Variants in FOXN1 observed in about 807,000 individuals in gnomAD.
FOXN1 encodes forkhead box N1.
FOXN1 carries 15 observed loss-of-function variants against 49.0 expected under a neutral mutation model. The observed-to-expected ratio is 0.31, with a 90% CI of 0.20 to 0.47. The LOEUF (loss-of-function observed/expected upper bound fraction) is 0.47. Among genes scored for constraint, FOXN1 ranks in the 20% least tolerant of loss-of-function variants. The pLI is 1.00. For missense variants in FOXN1, 800 were observed against 842.8 expected, an observed-to-expected ratio of 0.95 and a Z score of 0.63; for synonymous variants, 356 against 369.0, an observed-to-expected ratio of 0.96 and a Z score of 0.40.
intron 3 of FOXN1, among the ~76,000 whole-genome samples, chr17:28,526,621 C>T (rs2069775853): frequency 1.3e-5 from 2 of 152,204 alleles, no homozygotes; most frequent in Non-Finnish European, 1.5e-5. Context: ...CTCACGCAGG[C>T]CAGCAACTGT....
chr17:28,520,545 A>G (rs1286847018), intron 1 of FOXN1, among the ~76,000 whole-genome samples: 2 of 152,074 alleles, frequency 1.3e-5, no homozygotes, highest in Non-Finnish European at 1.5e-5. Flanking sequence ...GGGCCTCTGA[A>G]CTCTGCATAA....
intron 1 of FOXN1, among the ~76,000 whole-genome samples, chr17:28,507,814 G>T (rs2069295936): frequency 6.6e-6 from 1 of 152,202 alleles, no homozygotes; most frequent in Non-Finnish European, 1.5e-5. Flanking sequence ...AGGGCACCCC[G>T]AGTGGATGGG....
At chr17:28,507,058 T>C (rs1555606235) in intron 1 of FOXN1, among the ~76,000 whole-genome samples, 2 of 152,184 alleles carry the variant, frequency 1.3e-5, no homozygotes, top group African/African-American at 2.4e-5. Flanking sequence ...ATGCTGGGCT[T>C]AGGGCAGAGT....
At chr17:28,533,231 G>T (rs916635390) in intron 6 of FOXN1, among the ~76,000 whole-genome samples, 1 of 152,194 alleles carries the variant, frequency 6.6e-6, no homozygotes, top group Non-Finnish European at 1.5e-5. Flanking sequence ...GGAGGGGCCA[G>T]GGAATGAGGG....
intron 8 of FOXN1, 116 bp from the exon 9 acceptor site, chr17:28,537,001 C>G (rs2070082694): frequency 4.8e-6 from 4 of 836,006 alleles, no homozygotes; most frequent in Non-Finnish European, 8.3e-6. Context: ...CTGTTCCCAG[C>G]ACATGTCACC....
chr17:28,514,907 G>C (rs2069464651), intron 1 of FOXN1, among the ~76,000 whole-genome samples: 2 of 152,138 alleles, frequency 1.3e-5, no homozygotes, highest in South Asian at 4.1e-4. Context: ...TTTCAGGCTT[G>C]AGCAGGGAGG....
chr17:28,524,206 C>T, intron 2 of FOXN1, 114 bp downstream of exon 2: 2 of 1,123,266 alleles, frequency 1.8e-6, no homozygotes, highest in Non-Finnish European at 2.5e-6. Context: ...GTCTTGTCCC[C>T]TCCACCAGCA....
At chr17:28,517,596 CACCTCCACAGGATCCAT>C (rs2069548238) in intron 1 of FOXN1, among the ~76,000 whole-genome samples, 1 of 136,274 alleles carries the variant, frequency 7.3e-6, no homozygotes, top group East Asian at 2.3e-4. Context: ...ACAGGGTACA[CACCTCCACAGGATCCAT>C]ACCTCCACAG....
intron 4 of FOXN1, 46 bp downstream of exon 4, chr17:28,527,407 T>A (rs2069798134): frequency 9.1e-7 from 1 of 1,092,986 alleles, no homozygotes; most frequent in South Asian, 1.3e-5. Flanking sequence ...TCTGAGGATA[T>A]CGTGTGTGTG....
At chr17:28,537,066 G>A in intron 8 of FOXN1, 51 bp from the exon 9 acceptor site, 1 of 1,407,044 alleles carries the variant, frequency 7.1e-7, no homozygotes, top group Non-Finnish European at 1.0e-6. Context: ...GGGCCAGACA[G>A]GGCTCCTCCG....
At chr17:28,525,817 A>G (rs2069754563) in intron 3 of FOXN1, among the ~76,000 whole-genome samples, 1 of 152,086 alleles carries the variant, frequency 6.6e-6, no homozygotes, top group South Asian at 2.1e-4. Flanking sequence ...GGGTCCTACC[A>G]GGTGTGGCCA....
chr17:28,515,427 T>G (rs2069475047), intron 1 of FOXN1, among the ~76,000 whole-genome samples: 1 of 150,650 alleles, frequency 6.6e-6, no homozygotes, highest in Non-Finnish European at 1.5e-5. Context: ...CAAAGGTGTA[T>G]ACACTTCCAC....
rs774400145 is a variant in FOXN1 at position 28,524,701 on chromosome 17, G to C, written c.322G>C (p.Ala108Pro). 6.2e-7 allele frequency: 1 copy of C among 1,612,620 alleles called. No individual in the cohort carries two copies. Among genetic ancestry groups the C allele is most frequent in the East Asian group, 2.2e-5 (1 of 44,762 alleles). The change falls in exon 3 of 9, where the codon GCA becomes CCA. Residue 108 changes from alanine (A) to proline (P), a missense_variant. By Grantham distance (27) the Ala-to-Pro change is conservative. Around this residue, in one of 3 missense-constraint regions of FOXN1, gnomAD observed 383 missense variants for 357.9 expected, o/e 1.07. Transcript: ENST00000579795. ...KYPGFGFEEA[A>P]ASSPGRFLKG... ...TCCTGGCTTTGGCTTTGAGGAGGCC[G>C]CAGCAAGCAGCCCTGGGCGATTCCT...
intron 6 of FOXN1, among the ~76,000 whole-genome samples, chr17:28,533,597 C>T (rs1393465032): frequency 6.6e-6 from 1 of 152,028 alleles, no homozygotes; most frequent in Non-Finnish European, 1.5e-5. Context: ...CACAGTCACA[C>T]CCAGAGAGAC....
At chr17:28,527,438 ATGTGATGGCATGTG>A in intron 4 of FOXN1, 77 bp downstream of exon 4, 1 of 805,992 alleles carries the variant, frequency 1.2e-6, no homozygotes, top group Non-Finnish European at 2.1e-6. Context: ...GTGGGTGTCT[ATGTGATGGCATGTG>A]TTCACCAGGA....
intron 1 of FOXN1, among the ~76,000 whole-genome samples, chr17:28,507,251 C>T (rs2151471071): frequency 6.6e-6 from 1 of 152,298 alleles, no homozygotes; most frequent in Admixed American, 6.5e-5. Flanking sequence ...CCCCCGACTC[C>T]TCCCCACCCA....
intron 1 of FOXN1, among the ~76,000 whole-genome samples, chr17:28,517,986 A>C (rs1403981987): frequency 4.0e-5 from 6 of 149,414 alleles, no homozygotes; most frequent in Non-Finnish European, 7.4e-5. Flanking sequence ...CACTGGGTAC[A>C]CACCTCCACA....
chr17:28,509,265 C>T (rs1457366322), intron 1 of FOXN1, among the ~76,000 whole-genome samples: 4 of 151,978 alleles, frequency 2.6e-5, no homozygotes, highest in Admixed American at 1.3e-4. Flanking sequence ...TCTCTTTCCC[C>T]ATCATAACCT....
rs147463732 is a variant in FOXN1 at position 28,524,854 on chromosome 17, G to A, written c.475G>A (p.Glu159Lys). 83 of 1,613,644 alleles carry A rather than the reference G, an allele frequency of 5.1e-5. No homozygotes were observed. The highest frequency in any genetic ancestry group is 6.6e-5 in the South Asian group (6 of 91,084). The change falls in exon 3 of 9, where the codon GAG becomes AAG. Residue 159 changes from glutamate to lysine, a missense_variant. This residue lies in a region of FOXN1 where 383 missense variants were observed against 357.9 expected (regional missense o/e 1.07). Transcript: ENST00000579795. ...GACCCCAGGGCCGCTGGAGGCCTTCGAGGAGATCCCAGTGGACGTGGCGGA... is the reference window on the plus strand; with the variant it reads ...GACCCCAGGGCCGCTGGAGGCCTTCAAGGAGATCCCAGTGGACGTGGCGGA... The part of the protein sequence containing the change: ...FKTPGPLEAF[E>K]EIPVDVAEAE...
Sources: gnomAD v4.1 joint callset for allele counts (sites outside exome capture counted in the v4.1 genomes callset) on GRCh38, gnomAD v4.1.1 for gene constraint, gnomAD v4.1.1 regional missense constraint, MANE v1.5 for transcripts, NCBI Gene and HGNC (gene_info 2026-07-23, HGNC 2026-07-21) for gene names.